The following NDUFAF2 variants were observed in gnomAD, a reference collection of about 807,000 sequenced individuals.
NDUFAF2 encodes the protein NADH dehydrogenase [ubiquinone] 1 alpha subcomplex assembly factor 2.
Under a neutral mutation model 22.8 loss-of-function variants are expected in NDUFAF2, and 13 were observed. The observed-to-expected ratio is 0.57, with a 90% CI of 0.37 to 0.91. The LOEUF (loss-of-function observed/expected upper bound fraction) is 0.91. Among genes scored for constraint, NDUFAF2 ranks in the 40% least tolerant of loss-of-function variants. The pLI is 0.01. For synonymous variants in NDUFAF2, 53 were observed against 64.2 expected, an observed-to-expected ratio of 0.83 and a Z score of 0.84; for missense variants, 162 against 195.2, an observed-to-expected ratio of 0.83 and a Z score of 1.01.
At chr5:60,985,905 G>A (rs1401234480) in intron 1 of NDUFAF2, among the ~76,000 whole-genome samples, 1 of 152,134 alleles carries the variant, frequency 6.6e-6, no homozygotes, top group African/African-American at 2.4e-5. Context: ...CAGCCAAACA[G>A]TATCACTGAT....
chr5:61,141,238 A>G (rs956370164), intron 3 of NDUFAF2, among the ~76,000 whole-genome samples: 4 of 152,020 alleles, frequency 2.6e-5, no homozygotes, highest in Admixed American at 2.6e-4. Context: ...AAAAAAAAAA[A>G]AATTAATTAA....
intron 1 of NDUFAF2, among the ~76,000 whole-genome samples, chr5:60,955,024 C>T (rs1159690500): frequency 1.3e-5 from 2 of 152,010 alleles, no homozygotes; most frequent in African/African-American, 4.8e-5. Flanking sequence ...TGTCCTATTC[C>T]ATAGGTTGCC....
At chr5:61,066,583 A>T (rs1382754541) in intron 1 of NDUFAF2, among the ~76,000 whole-genome samples, 3 of 126,348 alleles carry the variant, frequency 2.4e-5, no homozygotes, top group African/African-American at 9.5e-5. Flanking sequence ...CTATACATAT[A>T]TGGTCAACTA....
At chr5:61,043,492 C>T (rs997177058) in intron 1 of NDUFAF2, among the ~76,000 whole-genome samples, 3 of 152,116 alleles carry the variant, frequency 2.0e-5, no homozygotes, top group African/African-American at 7.2e-5. Context: ...TCCCAAACCC[C>T]TCACCCACAG....
At chr5:60,995,748 A>C (rs1751221141) in intron 1 of NDUFAF2, among the ~76,000 whole-genome samples, 1 of 152,208 alleles carries the variant, frequency 6.6e-6, no homozygotes, top group Non-Finnish European at 1.5e-5. Flanking sequence ...AAGCCAGCCA[A>C]GGCTGTGTCC....
chr5:61,041,871 C>G (rs1751887670), intron 1 of NDUFAF2, among the ~76,000 whole-genome samples: 1 of 152,164 alleles, frequency 6.6e-6, no homozygotes, highest in South Asian at 2.1e-4. Flanking sequence ...TCCAACGATG[C>G]TTTCACATGC....
intron 3 of NDUFAF2, among the ~76,000 whole-genome samples, chr5:61,117,538 T>C (rs1561570348): frequency 6.6e-6 from 1 of 152,086 alleles, no homozygotes; most frequent in Non-Finnish European, 1.5e-5. Flanking sequence ...TTTGATTTTG[T>C]AGAGATGGGG....
chr5:60,990,754 A>G lies in NDUFAF2; in HGVS notation c.127+45372A>G, dbSNP rs535041356. 3.9e-5 allele frequency among the ~76,000 whole-genome samples: 6 copies of G among 152,294 alleles called. No individual in the cohort carries two copies. In the East Asian group the frequency reaches 1.2e-3, roughly 29 times the overall value. On this transcript the variant is annotated intron_variant, in intron 1 of 3. Transcript: ENST00000296597. ...CCAATTTTATTTCAGAAATCACGTAACCACCTTGAAGATGAAAGATAAATC... is the reference window on the plus strand; with the variant it reads ...CCAATTTTATTTCAGAAATCACGTAGCCACCTTGAAGATGAAAGATAAATC...
intron 1 of NDUFAF2, among the ~76,000 whole-genome samples, chr5:61,000,675 C>G (rs376051872): frequency 2.0e-5 from 3 of 152,074 alleles, no homozygotes; most frequent in African/African-American, 7.2e-5. Context: ...GAACTCCTAC[C>G]TGCCTTTTGC....
At chr5:61,045,146 A>G (rs1011299881) in intron 1 of NDUFAF2, among the ~76,000 whole-genome samples, 3 of 117,790 alleles carry the variant, frequency 2.5e-5, no homozygotes, top group African/African-American at 9.9e-5. Context: ...AAATTTTAAT[A>G]AAATAAAATA....
At chr5:60,975,118 A>T (rs1750885227) in intron 1 of NDUFAF2, among the ~76,000 whole-genome samples, 1 of 151,822 alleles carries the variant, frequency 6.6e-6, no homozygotes. Context: ...CTTTTTTTCT[A>T]TTTGCAGATA....
chr5:61,093,998 A>G (rs983832068), intron 2 of NDUFAF2, among the ~76,000 whole-genome samples: 7 of 152,114 alleles, frequency 4.6e-5, no homozygotes, highest in Non-Finnish European at 8.8e-5. Context: ...GGGATGGTGT[A>G]TGTGTCAGGA....
At chr5:61,064,438 A>G (rs1178843303) in intron 1 of NDUFAF2, among the ~76,000 whole-genome samples, 1 of 152,128 alleles carries the variant, frequency 6.6e-6, no homozygotes, top group African/African-American at 2.4e-5. Context: ...ACAACAACAG[A>G]ATACACATTT....
intron 3 of NDUFAF2, chr5:61,114,557 G>A (rs1003462391): frequency 1.3e-5 from 2 of 152,150 alleles, no homozygotes; most frequent in African/African-American, 4.8e-5. Flanking sequence ...TTCCTTTGAT[G>A]AGGTTTTGTT....
At chr5:61,039,336 G>A (rs568228465) in intron 1 of NDUFAF2, among the ~76,000 whole-genome samples, 1 of 152,130 alleles carries the variant, frequency 6.6e-6, no homozygotes, top group East Asian at 1.9e-4. Flanking sequence ...TGTTTCTGAA[G>A]AATAGAACAT....
At chr5:61,104,070 T>C (rs1752733168) in intron 3 of NDUFAF2, among the ~76,000 whole-genome samples, 1 of 152,116 alleles carries the variant, frequency 6.6e-6, no homozygotes, top group Non-Finnish European at 1.5e-5. Context: ...GTAGGTTAAG[T>C]GTATCAAATG....
chr5:60,966,998 T>A (rs1239775455), intron 1 of NDUFAF2, among the ~76,000 whole-genome samples: 4 of 152,110 alleles, frequency 2.6e-5, no homozygotes, highest in Non-Finnish European at 4.4e-5. Context: ...TTCCATTCAG[T>A]TGTGTACACT....
intron 3 of NDUFAF2, among the ~76,000 whole-genome samples, chr5:61,133,309 A>T (rs1311683089): frequency 2.0e-5 from 3 of 152,238 alleles, no homozygotes; most frequent in Non-Finnish European, 2.9e-5. Flanking sequence ...GGTTGACTTT[A>T]ACTTTCTTAC....
chr5:60,955,866 G>A (rs1031208088), intron 1 of NDUFAF2, among the ~76,000 whole-genome samples: 1 of 151,126 alleles, frequency 6.6e-6, no homozygotes, highest in African/African-American at 2.4e-5. Flanking sequence ...TTCCTTTTCA[G>A]ATAATTTGTT....
Sources: allele counts gnomAD v4.1 joint callset (sites outside exome capture counted in the v4.1 genomes callset), GRCh38; gene constraint gnomAD v4.1.1; transcripts MANE v1.5; gene names NCBI Gene and HGNC (gene_info 2026-07-23, HGNC 2026-07-21).